Variants in TLE3 observed in about 807,000 individuals in gnomAD.
TLE3 encodes the protein transducin-like enhancer protein 3.
Under a neutral mutation model 93.0 loss-of-function variants are expected in TLE3, and 14 were observed. The ratio of observed to expected loss-of-function variants is 0.15; its 90% CI spans 0.10 to 0.24. The LOEUF (loss-of-function observed/expected upper bound fraction) is 0.24, where lower values mean the gene tolerates loss of function less well. TLE3 is among the 10% of genes least tolerant of loss of function. TLE3 has a pLI of 1.00. For synonymous variants in TLE3, 451 were observed against 425.0 expected, an observed-to-expected ratio of 1.06 and a Z score of -0.75; for missense variants, 693 against 1,046.6, an observed-to-expected ratio of 0.66 and a Z score of 4.66.
chr15:70,094,711 C>T, intron 3 of TLE3, 135 bp from the exon 4 acceptor site: 1 of 675,946 alleles, frequency 1.5e-6, no homozygotes, highest in Non-Finnish European at 2.5e-6. Flanking sequence ...AAATCAAACC[C>T]CAAAGCCAGC....
rs556180907 is a variant in TLE3 at position 70,051,379 on chromosome 15, G to A, written c.2202+12C>T. The A allele has an allele frequency of 3.4e-5, 54 of 1,601,040 alleles. No homozygotes were observed. Among genetic ancestry groups the A allele is most frequent in the Middle Eastern group, 1.6e-4 (1 of 6,062 alleles). ...GTAGAACCCAGAGGAGGACTCAGAC[G>A]GTGGGCAGTACCTGGAATATGCTGG... On this transcript the variant is annotated intron_variant, in intron 19 of 19. Transcript: ENST00000451782.
intron 6 of TLE3, among the ~76,000 whole-genome samples, chr15:70,073,291 T>A (rs1237898946): frequency 6.6e-6 from 1 of 152,188 alleles, no homozygotes; most frequent in East Asian, 1.9e-4. Flanking sequence ...GAGAAGGGAC[T>A]TGCCAAAGGT....
rs375538463 is a variant in TLE3 at position 70,050,219 on chromosome 15, C to A, written c.2203-15G>T. ...GATTCTTTAGACTGGAGGAGGAAGA[C>A]GAGGAGAAGCAGCAGGAAGGCGTGG... On this transcript the variant is annotated splice_polypyrimidine_tract_variant and intron_variant, in intron 19 of 19. Transcript: ENST00000451782. The A allele has an allele frequency of 1.2e-6, 2 of 1,603,760 alleles. No individual in the cohort carries two copies. The highest frequency in any genetic ancestry group is 8.5e-7 in the Non-Finnish European group (1 of 1,170,914).
intron 4 of TLE3, among the ~76,000 whole-genome samples, chr15:70,082,949 G>A (rs576900979): frequency 1.3e-5 from 2 of 151,984 alleles, no homozygotes; most frequent in East Asian, 1.9e-4. Context: ...TTCTTCCAGG[G>A]GTCTACAGTG....
At chr15:70,061,048 GAGTCTTGTA>G (rs2056441989) in intron 8 of TLE3, among the ~76,000 whole-genome samples, 2 of 152,200 alleles carry the variant, frequency 1.3e-5, no homozygotes, top group African/African-American at 4.8e-5. Flanking sequence ...AATTTGCACT[GAGTCTTGTA>G]AGATGGATCT....
At position 70,058,176 on chromosome 15, in the gene TLE3, G is replaced by A. The variant is rs774983226; in HGVS notation, c.1034C>T (p.Pro345Leu). ...CATTATACCTATCGGGTCCATGCCCGGAGGTTTACCCGGCATCGACCTGAG... is the reference window on the plus strand; with the variant it reads ...CATTATACCTATCGGGTCCATGCCCAGAGGTTTACCCGGCATCGACCTGAG... Reference protein sequence around the residue: ...PGLRSMPGKPPGMDPIASALR... With the variant: ...PGLRSMPGKPLGMDPIASALR... Residue 345 changes from proline (P) to leucine (L), a missense_variant, in exon 12 of 20, where the codon CCG (proline) becomes CTG (leucine). Coordinates refer to ENST00000451782, the MANE Select transcript of TLE3 (RefSeq NM_001105192.3). The surrounding 1 kb of genome is among the most constrained non-coding windows in gnomAD (Gnocchi z 4.1). 4.3e-6 allele frequency: 7 copies of A among 1,613,872 alleles called. No homozygotes were observed. Among genetic ancestry groups the A allele is most frequent in the Middle Eastern group, 1.6e-4 (1 of 6,084 alleles).
At chr15:70,082,701 C>T (rs908247967) in intron 4 of TLE3, among the ~76,000 whole-genome samples, 1 of 152,236 alleles carries the variant, frequency 6.6e-6, no homozygotes, top group African/African-American at 2.4e-5. Flanking sequence ...CCCTGAGGAT[C>T]TGTCTCCTCC....
chr15:70,096,434 C>CGA, intron 1 of TLE3, 173 bp from the exon 2 acceptor site: 1 of 1,265,388 alleles, frequency 7.9e-7, no homozygotes, highest in Non-Finnish European at 1.1e-6. Flanking sequence ...CCCCATCTCT[C>CGA]CCCGTCGGCA....
chr15:70,094,163 AAT>A (rs1053296836), intron 4 of TLE3, among the ~76,000 whole-genome samples: 3 of 152,122 alleles, frequency 2.0e-5, no homozygotes, highest in Admixed American at 6.5e-5. Flanking sequence ...AGAAAAAAAA[AAT>A]CCTCCTGCAT....
chr15:70,053,500 T>G, intron 16 of TLE3, 126 bp from the exon 17 acceptor site: 1 of 1,107,918 alleles, frequency 9.0e-7, no homozygotes, highest in Non-Finnish European at 1.2e-6. Flanking sequence ...ATGCGCATGG[T>G]CCCTTAGCGA....
chr15:70,084,708 A>G lies in TLE3; in HGVS notation c.235-8550T>C, dbSNP rs374418142. ...AACCTCTTTAACCGTCAGTGCTGCT[A>G]TCTGATGCGTGGCGCCCACGGTGCC... On this transcript the variant is annotated intron_variant, in intron 4 of 19. Transcript: ENST00000451782. Among the ~76,000 whole-genome samples the G allele has an allele frequency of 1.1e-4, 17 of 151,048 alleles. No homozygotes were observed. In the East Asian group the frequency reaches 2.4e-3, roughly 21 times the overall value.
intron 6 of TLE3, among the ~76,000 whole-genome samples, chr15:70,070,351 C>A (rs1212830307): frequency 1.3e-5 from 2 of 152,188 alleles, no homozygotes; most frequent in Non-Finnish European, 2.9e-5. Context: ...CGCCTTAGGC[C>A]TTCGCTAGGT....
chr15:70,071,422 T>A (rs555923126), intron 6 of TLE3, among the ~76,000 whole-genome samples: 21 of 152,194 alleles, frequency 1.4e-4, no homozygotes, highest in African/African-American at 4.8e-4. Context: ...CTTCCCCTTT[T>A]CACACATGCC....
At chr15:70,069,847 C>A (rs1170510396) in intron 6 of TLE3, among the ~76,000 whole-genome samples, 1 of 152,274 alleles carries the variant, frequency 6.6e-6, no homozygotes, top group Non-Finnish European at 1.5e-5. Context: ...CAGCTCAGCA[C>A]CTCTGCAGGC....
rs1052031213 is a variant in TLE3 at position 70,097,481 on chromosome 15, C to A, written c.-683G>T. On this transcript the variant is annotated 5_prime_UTR_variant, in exon 1 of 20. Coordinates refer to ENST00000451782, the MANE Select transcript of TLE3 (RefSeq NM_001105192.3). ...CGCCGCCGCCGCCGCCGCTGCAAGC[C>A]CTTCCCAGGGCCGGGGAGGAACTCC... 3.1e-5 allele frequency: 13 copies of A among 413,504 alleles called. No homozygotes were observed. Among genetic ancestry groups the A allele is most frequent in the Non-Finnish European group, 5.1e-5 (12 of 235,906 alleles). The allele number at this position is 413,504 out of a possible 1,614,324, so 25.6% of individuals were successfully genotyped here.
chr15:70,096,867 G>C lies in TLE3; in HGVS notation c.-69C>G, dbSNP rs747731154. The C allele has an allele frequency of 6.4e-7, 1 of 1,567,678 alleles. No individual in the cohort carries two copies. On this transcript the variant is annotated 5_prime_UTR_variant, in exon 1 of 20. Transcript: ENST00000451782. ...GCCCGGGCCGGGGAGGTGCGGGGGA[G>C]GGGGGAGCCGAGCCCGAGCGGGGGG...
chr15:70,094,772 C>G (rs913223589), intron 3 of TLE3, 196 bp from the exon 4 acceptor site: 1 of 574,744 alleles, frequency 1.7e-6, no homozygotes, highest in Admixed American at 3.2e-5. Flanking sequence ...CTCATCTCAA[C>G]AGAACGTTAT....
At position 70,058,037 on chromosome 15, in the gene TLE3, C is replaced by A; in HGVS notation, c.1051+122G>T. On this transcript the variant is annotated intron_variant, in intron 12 of 19. Coordinates refer to ENST00000451782, the MANE Select transcript of TLE3 (RefSeq NM_001105192.3). The surrounding 1 kb of genome is among the most constrained non-coding windows in gnomAD (Gnocchi z 4.1). ...AATCTGACCGTGAAGTCCCCAGGGG[C>A]AGGCCCTGGGAGACACTGCCTGTGC... The A allele has an allele frequency of 1.4e-6, 2 of 1,466,338 alleles. No homozygotes were observed. The highest frequency in any genetic ancestry group is 1.8e-6 in the Non-Finnish European group (2 of 1,085,152). 90.8% of individuals were successfully genotyped at this position (1,466,338 alleles called of 1,614,324 possible). A position where few individuals can be genotyped will look rare whatever the true frequency, so the allele number is the denominator to read the frequency against.
intron 6 of TLE3, among the ~76,000 whole-genome samples, chr15:70,070,271 A>G (rs916159742): frequency 6.6e-6 from 1 of 152,262 alleles, no homozygotes; most frequent in African/African-American, 2.4e-5. Flanking sequence ...CAGAAGGTGC[A>G]GTCACTTCCA....
Sources: gnomAD v4.1 joint callset for allele counts (sites outside exome capture counted in the v4.1 genomes callset) on GRCh38, gnomAD v4.1.1 for gene constraint, Gnocchi (gnomAD v3.1) non-coding constraint, MANE v1.5 for transcripts, NCBI Gene and HGNC (gene_info 2026-07-23, HGNC 2026-07-21) for gene names.